The following OR7D2 variants were observed in gnomAD, a reference collection of about 807,000 sequenced individuals.
OR7D2 encodes the protein olfactory receptor 7D2.
For synonymous variants in OR7D2, 158 were observed against 158.7 expected, an observed-to-expected ratio of 1.00 and a Z score of 0.03; for missense variants, 370 against 384.1, an observed-to-expected ratio of 0.96 and a Z score of 0.31.
chr19:9,180,361 C>T (rs1229057745), intron 1 of OR7D2, among the ~76,000 whole-genome samples: 2 of 152,128 alleles, frequency 1.3e-5, no homozygotes, highest in African/African-American at 4.8e-5. Flanking sequence ...TTTCTCCTGC[C>T]TTAGCCTCTC....
Position 9,187,148 on chromosome 19 carries a change from TG to T in OR7D2, c.*429del. 1.2e-5 allele frequency: 2 copies of T among 167,148 alleles called. No individual in the cohort carries two copies. The highest frequency in any genetic ancestry group is 3.8e-4 in the East Asian group (2 of 5,230). 10.4% of individuals were successfully genotyped at this position (167,148 alleles called of 1,614,324 possible). On this transcript the variant is annotated 3_prime_UTR_variant, in exon 3 of 3. Coordinates refer to ENST00000641288, the MANE Select transcript of OR7D2 (RefSeq NM_175883.4). ...CGAACTCCTGACCTTGTGATCCACCTGCCTTGGCCTCTCAAAGTGCTGGGAT... is the reference window on the plus strand; with the variant it reads ...CGAACTCCTGACCTTGTGATCCACCTCCTTGGCCTCTCAAAGTGCTGGGAT...
rs772222610 is a variant in OR7D2, at chr19:9,186,249, C to T, written c.468C>T (p.Ser156=). ...FVTWLIGVMT[S]LLHISLMMHL... ...CCTGGCTCATTGGTGTCATGACATC[C>T]CTCCTCCATATTTCTCTGATGATGC... The change falls in exon 3 of 3, where the codon TCC becomes TCT. Residue 156 remains serine (S), a synonymous_variant. Coordinates refer to ENST00000641288, the MANE Select transcript of OR7D2 (RefSeq NM_175883.4). 1.9e-6 allele frequency: 3 copies of T among 1,613,908 alleles called. No individual in the cohort carries two copies. Among genetic ancestry groups the T allele is most frequent in the South Asian group, 2.2e-5 (2 of 91,064 alleles).
chr19:9,184,440 T>A (rs1386662052), intron 2 of OR7D2, among the ~76,000 whole-genome samples: 2 of 151,330 alleles, frequency 1.3e-5, no homozygotes, highest in African/African-American at 2.4e-5. Flanking sequence ...AAATTAAAAT[T>A]TTGAGACTCT....
In OR7D2 at chr19:9,186,470, C is replaced by T. The variant is rs781084870; in HGVS notation, c.689C>T (p.Ser230Leu). Reference protein sequence around the residue: ...RIASSIRKMSSSGGKQKALST... With the variant: ...RIASSIRKMSLSGGKQKALST... Reference sequence around the variant, plus strand: ...GCTTCATCCATAAGGAAGATGTCCTCATCTGGGGGAAAACAAAAAGCACTT... The same window carrying T: ...GCTTCATCCATAAGGAAGATGTCCTTATCTGGGGGAAAACAAAAAGCACTT... The change falls in exon 3 of 3, where the codon TCA becomes TTA. Residue 230 changes from serine to leucine, a missense_variant. Coordinates refer to ENST00000641288, the MANE Select transcript of OR7D2 (RefSeq NM_175883.4). 4 of 1,614,148 alleles carry T rather than the reference C, an allele frequency of 2.5e-6. No homozygotes were observed. The highest frequency in any genetic ancestry group is 3.3e-5 in the Admixed American group (2 of 60,000).
rs1288699383 is a variant in OR7D2 at position 9,186,252 on chromosome 19, C to T, written c.471C>T (p.Leu157=). 1.2e-6 allele frequency: 2 copies of T among 1,614,044 alleles called. No individual in the cohort carries two copies. The highest frequency in any genetic ancestry group is 1.7e-6 in the Non-Finnish European group (2 of 1,179,982). The change falls in exon 3 of 3, where the codon CTC becomes CTT. Residue 157 remains leucine, a synonymous_variant. Coordinates refer to ENST00000641288, the MANE Select transcript of OR7D2 (RefSeq NM_175883.4). ...GGCTCATTGGTGTCATGACATCCCTCCTCCATATTTCTCTGATGATGCATC... is the reference window on the plus strand; with the variant it reads ...GGCTCATTGGTGTCATGACATCCCTTCTCCATATTTCTCTGATGATGCATC... ...VTWLIGVMTS[L]LHISLMMHLI...
At position 9,186,841 on chromosome 19, in the gene OR7D2, A is replaced by G. The variant is rs1599212511; in HGVS notation, c.*121A>G. On this transcript the variant is annotated 3_prime_UTR_variant, in exon 3 of 3. Coordinates refer to ENST00000641288, the MANE Select transcript of OR7D2 (RefSeq NM_175883.4). ...TTTTATACTTTGAGAGTACAAATGC[A>G]GATTTCTTAACATGCATTTGCATAA... The G allele has an allele frequency of 1.4e-6, 1 of 710,452 alleles. No individual in the cohort carries two copies. The highest frequency in any genetic ancestry group is 2.8e-5 in the East Asian group (1 of 35,536). The allele number at this position is 710,452 out of a possible 1,614,324, so 44.0% of individuals were successfully genotyped here. A position where few individuals can be genotyped will look rare whatever the true frequency, so the allele number is the denominator to read the frequency against.
chr19:9,186,894 A>G lies in OR7D2; in HGVS notation c.*174A>G, dbSNP rs939527963. On this transcript the variant is annotated 3_prime_UTR_variant, in exon 3 of 3. Coordinates refer to ENST00000641288, the MANE Select transcript of OR7D2 (RefSeq NM_175883.4). Reference sequence around the variant, plus strand: ...GTGAAGTCTGAGCTTTTGGCGTACCAATTACCTGAATAGTGAACATAAGGC... The same window carrying G: ...GTGAAGTCTGAGCTTTTGGCGTACCGATTACCTGAATAGTGAACATAAGGC... The G allele has an allele frequency of 5.6e-6, 3 of 540,418 alleles. No individual in the cohort carries two copies. The African/African-American group carries it at 5.8e-5, about 11-fold the overall frequency. The allele number at this position is 540,418 out of a possible 1,614,324, so 33.5% of individuals were successfully genotyped here. A position where few individuals can be genotyped will look rare whatever the true frequency, so the allele number is the denominator to read the frequency against.
chr19:9,182,850 A>C, intron 2 of OR7D2: 1 of 260,408 alleles, frequency 3.8e-6, no homozygotes, highest in Non-Finnish European at 8.0e-6. Context: ...AGCACATGTG[A>C]AGGGATCTCT....
Position 9,186,124 on chromosome 19 carries a change from C to T in OR7D2, c.343C>T (p.Leu115=), listed in dbSNP as rs754853690. 1 of 1,613,986 alleles carries T rather than the reference C, an allele frequency of 6.2e-7. No homozygotes were observed. Among genetic ancestry groups the T allele is most frequent in the African/African-American group, 1.3e-5 (1 of 74,896 alleles). ...MFFPILDTLL[L]TVMAYDRFVA... The stretch of plus-strand genomic sequence containing the variant: ...TTTTCCTATTCTGGACACGCTACTC[C>T]TGACCGTGATGGCCTATGACCGGTT... The change falls in exon 3 of 3, where the codon CTG becomes TTG. Residue 115 remains leucine (L), a synonymous_variant. Coordinates refer to ENST00000641288, the MANE Select transcript of OR7D2 (RefSeq NM_175883.4).
chr19:9,187,725 T>C lies in OR7D2; in HGVS notation c.*1005T>C, dbSNP rs1389938141. ...TCATAGCTTAGCTCCCACTTATAACTGAGAACATACGATATGTTCATATGG... is the reference window on the plus strand; with the variant it reads ...TCATAGCTTAGCTCCCACTTATAACCGAGAACATACGATATGTTCATATGG... On this transcript the variant is annotated 3_prime_UTR_variant, in exon 3 of 3. Transcript: ENST00000641288. The C allele has an allele frequency of 6.0e-6, 1 of 166,994 alleles. No individual in the cohort carries two copies. The highest frequency in any genetic ancestry group is 1.5e-5 in the Non-Finnish European group (1 of 68,116). 10.3% of individuals were successfully genotyped at this position (166,994 alleles called of 1,614,324 possible). A position where few individuals can be genotyped will look rare whatever the true frequency, so the allele number is the denominator to read the frequency against.
Position 9,186,420 on chromosome 19 carries a change from G to T in OR7D2, c.639G>T (p.Gly213=), listed in dbSNP as rs1469027940. ...TGVLGVFPLL[G]IIFSYSRIAS... is the part of the protein sequence containing the mutation. Reference sequence around the variant, plus strand: ...TGCTGGGCGTTTTTCCCCTCCTTGGGATCATTTTCTCTTATTCACGAATTG... The same window carrying T: ...TGCTGGGCGTTTTTCCCCTCCTTGGTATCATTTTCTCTTATTCACGAATTG... Residue 213 remains glycine (G), a synonymous_variant, in exon 3 of 3, where the codon GGG becomes GGT. Transcript: ENST00000641288. 4 of 1,613,980 alleles carry T rather than the reference G, an allele frequency of 2.5e-6. No homozygotes were observed. Among genetic ancestry groups the T allele is most frequent in the Non-Finnish European group, 3.4e-6 (4 of 1,180,038 alleles).
intron 2 of OR7D2, chr19:9,182,884 G>A (rs61748330): frequency 5.2e-5 from 18 of 346,144 alleles, no homozygotes; most frequent in Admixed American, 3.2e-4. Flanking sequence ...CATCGGCTTC[G>A]TTCTCAGCAA....
At chr19:9,180,520 A>T (rs1336146736) in intron 1 of OR7D2, among the ~76,000 whole-genome samples, 178 bp from the exon 2 acceptor site, 1 of 152,152 alleles carries the variant, frequency 6.6e-6, no homozygotes, top group Admixed American at 6.6e-5. Context: ...TGCCGATATT[A>T]AATTTTTTAC....
rs369048035 is a variant in OR7D2, at chr19:9,185,952, C to A, written c.171C>A (p.Thr57=). Residue 57 remains threonine, a synonymous_variant, in exon 3 of 3, where the codon ACC becomes ACA. Transcript: ENST00000641288. ...LAISSDSHLH[T]PMYFFLSNLS... is the part of the protein sequence containing the mutation. Reference sequence around the variant, plus strand: ...TCAGCTCTGACTCCCACCTCCACACCCCCATGTACTTCTTCCTCTCCAACC... The same window carrying A: ...TCAGCTCTGACTCCCACCTCCACACACCCATGTACTTCTTCCTCTCCAACC... 1 of 1,614,132 alleles carries A rather than the reference C, an allele frequency of 6.2e-7. No homozygotes were observed. Among genetic ancestry groups the A allele is most frequent in the Non-Finnish European group, 8.5e-7 (1 of 1,180,018 alleles).
rs144485642 is a variant in OR7D2, at chr19:9,186,054, C to T, written c.273C>T (p.Ala91=). The part of the protein sequence containing the change: ...MLVNIQTENK[A]ISYMDCLTQV... Reference sequence around the variant, plus strand: ...TGAACATCCAGACCGAGAACAAAGCCATCTCCTACATGGACTGCCTCACAC... The same window carrying T: ...TGAACATCCAGACCGAGAACAAAGCTATCTCCTACATGGACTGCCTCACAC... Residue 91 remains alanine, a synonymous_variant, in exon 3 of 3, where the codon GCC becomes GCT. Coordinates refer to ENST00000641288, the MANE Select transcript of OR7D2 (RefSeq NM_175883.4). The T allele has an allele frequency of 6.1e-5, 99 of 1,614,010 alleles. 1 individual carries two copies. Among genetic ancestry groups the T allele is most frequent in the Non-Finnish European group, 8.1e-5 (96 of 1,180,048 alleles).
At chr19:9,183,593 A>T (rs1475901965) in intron 2 of OR7D2, among the ~76,000 whole-genome samples, 2 of 152,014 alleles carry the variant, frequency 1.3e-5, no homozygotes, top group Non-Finnish European at 2.9e-5. Context: ...ATTATTAACC[A>T]TTACTAGCGG....
chr19:9,185,097 C>G (rs2051020945), intron 2 of OR7D2, among the ~76,000 whole-genome samples: 1 of 151,904 alleles, frequency 6.6e-6, no homozygotes, highest in African/African-American at 2.4e-5. Context: ...ATAAACGAGT[C>G]TAGAGATCCA....
At chr19:9,180,488 G>A (rs988089263) in intron 1 of OR7D2, among the ~76,000 whole-genome samples, 11 of 151,928 alleles carry the variant, frequency 7.2e-5, no homozygotes, top group African/African-American at 1.7e-4. Flanking sequence ...CTCTATTCAC[G>A]CATATACTTT....
At chr19:9,185,721 C>T in intron 2 of OR7D2, 48 bp from the exon 3 acceptor site, 1 of 1,188,434 alleles carries the variant, frequency 8.4e-7, no homozygotes, top group South Asian at 1.5e-5. Context: ...GTAGCTGGGA[C>T]TACAGGTGTC....
Sources: gnomAD v4.1 joint callset for allele counts (sites outside exome capture counted in the v4.1 genomes callset) on GRCh38, gnomAD v4.1.1 for gene constraint, MANE v1.5 for transcripts, NCBI Gene and HGNC (gene_info 2026-07-23, HGNC 2026-07-21) for gene names.